ACTG1: variants seen among roughly 807,000 people sequenced by gnomAD.
ACTG1 encodes the protein actin, cytoplasmic 2.
Under a neutral mutation model 34.3 loss-of-function variants are expected in ACTG1, and 14 were observed. The observed-to-expected ratio is 0.41, with a 90% CI of 0.27 to 0.64. The LOEUF (loss-of-function observed/expected upper bound fraction) is 0.64, where lower values mean the gene tolerates loss of function less well. Among genes scored for constraint, ACTG1 ranks in the 30% least tolerant of loss-of-function variants. The pLI, the probability that ACTG1 is intolerant of heterozygous loss-of-function variation, is 0.33. For missense variants in ACTG1, 233 were observed against 529.5 expected (o/e 0.44, Z 5.50); for synonymous variants, 422 against 213.9 (o/e 1.97, Z -8.49).
intron 3 of ACTG1, 97 bp from the exon 4 acceptor site, chr17:81,511,723 G>C (rs1384128813): frequency 4.6e-6 from 7 of 1,518,260 alleles, no homozygotes; most frequent in South Asian, 1.2e-5. Flanking sequence ...GTGATGTGTG[G>C]AGAAAAGAAA....
chr17:81,510,458 T>C lies in ACTG1; in HGVS notation c.*232A>G, dbSNP rs2031688307. On this transcript the variant is annotated 3_prime_UTR_variant, in exon 6 of 6. Transcript: ENST00000573283. ...ACTAAAGGTTGAACTCAAAGATATG[T>C]ACAGGGTATTAAACAAATACCAAGG... 4.4e-6 allele frequency: 3 copies of C among 684,084 alleles called. No homozygotes were observed. The highest frequency in any genetic ancestry group is 7.9e-6 in the Non-Finnish European group (3 of 380,716). 42.4% of individuals were successfully genotyped at this position (684,084 alleles called of 1,614,324 possible). A position where few individuals can be genotyped will look rare whatever the true frequency, so the allele number is the denominator to read the frequency against.
chr17:81,510,590 C>CA lies in ACTG1; in HGVS notation c.*99dup. The CA allele has an allele frequency of 6.8e-7, 1 of 1,465,140 alleles. No individual in the cohort carries two copies. Among genetic ancestry groups the CA allele is most frequent in the Non-Finnish European group, 9.6e-7 (1 of 1,047,028 alleles). 90.8% of individuals were successfully genotyped at this position (1,465,140 alleles called of 1,614,324 possible). A position where few individuals can be genotyped will look rare whatever the true frequency, so the allele number is the denominator to read the frequency against. On this transcript the variant is annotated 3_prime_UTR_variant, in exon 6 of 6. Coordinates refer to ENST00000573283, the MANE Select transcript of ACTG1 (RefSeq NM_001614.5). The stretch of plus-strand genomic sequence containing the variant: ...ACAATTTCTTTTCGAAGGCTTATTC[C>CA]AGTTTCGTGAGGCTAGCATGAGGTG...
In ACTG1 at chr17:81,510,914, C is replaced by A; in HGVS notation, c.984+13G>T. 2 of 1,613,976 alleles carry A rather than the reference C, an allele frequency of 1.2e-6. No individual in the cohort carries two copies. The highest frequency in any genetic ancestry group is 1.7e-6 in the Non-Finnish European group (2 of 1,179,968). ...CCCGAGCCAGGCAGAGGGCCACCAACCCCTCGACTCACCTTGATCTTCATG... is the reference window on the plus strand; with the variant it reads ...CCCGAGCCAGGCAGAGGGCCACCAAACCCTCGACTCACCTTGATCTTCATG... On this transcript the variant is annotated intron_variant, in intron 5 of 5. Coordinates refer to ENST00000573283, the MANE Select transcript of ACTG1 (RefSeq NM_001614.5).
In ACTG1 at chr17:81,510,264, A is replaced by G. The variant is rs782175358; in HGVS notation, c.*426T>C. The G allele has an allele frequency of 5.2e-5, 27 of 517,346 alleles. No individual in the cohort carries two copies. In the East Asian group the frequency reaches 9.6e-4, roughly 18 times the overall value. 32.0% of individuals were successfully genotyped at this position (517,346 alleles called of 1,614,324 possible). On this transcript the variant is annotated 3_prime_UTR_variant, in exon 6 of 6. Coordinates refer to ENST00000573283, the MANE Select transcript of ACTG1 (RefSeq NM_001614.5). Reference sequence around the variant, plus strand: ...TCCAACCCTGACAGACCCGCAAGACAAAACAACTGGTTCTTGCCAGCCTCT... The same window carrying G: ...TCCAACCCTGACAGACCCGCAAGACGAAACAACTGGTTCTTGCCAGCCTCT...
In ACTG1 at chr17:81,511,689, C is replaced by T. The variant is rs1310626354; in HGVS notation, c.364-63G>A. 10 of 1,558,288 alleles carry T rather than the reference C, an allele frequency of 6.4e-6. No individual in the cohort carries two copies. The East Asian group carries it at 6.7e-5, about 10-fold the overall frequency. On this transcript the variant is annotated intron_variant, in intron 3 of 5. Coordinates refer to ENST00000573283, the MANE Select transcript of ACTG1 (RefSeq NM_001614.5). ...GACCCACGGCCACCCCATGCTCACA[C>T]GCCACAACATGCTGCATGCCAGTGT...
chr17:81,511,561 G>A lies in ACTG1; in HGVS notation c.429C>T (p.Tyr143=), dbSNP rs782719226. 75 of 1,613,766 alleles carry A rather than the reference G, an allele frequency of 4.6e-5. No individual in the cohort carries two copies. The highest frequency in any genetic ancestry group is 2.4e-4 in the South Asian group (22 of 91,090). The change falls in exon 4 of 6, where the codon TAC becomes TAT. Residue 143 remains tyrosine (Y), a synonymous_variant. Transcript: ENST00000573283. ...YVAIQAVLSL[Y]ASGRTTGIVM... ...CAATGCCAGTGGTGCGCCCAGAGGC[G>A]TAGAGGGACAGCACGGCCTGGATGG...
intron 3 of ACTG1, 73 bp from the exon 4 acceptor site, chr17:81,511,699 T>A: frequency 6.5e-7 from 1 of 1,541,076 alleles, no homozygotes; most frequent in Non-Finnish European, 8.9e-7. Flanking sequence ...CGCCACAACA[T>A]GCTGCATGCC....
rs201181478 is a variant in ACTG1 at position 81,512,365 on chromosome 17, C to T, written c.-6-5G>A. On this transcript the variant is annotated splice_region_variant and splice_polypyrimidine_tract_variant and intron_variant, in intron 1 of 5. Transcript: ENST00000573283. ...GATCTCTTCTTCCATTGCGACCTGCCCGGAAAAGGATGGACTCAGGCGGGC... is the reference window on the plus strand; with the variant it reads ...GATCTCTTCTTCCATTGCGACCTGCTCGGAAAAGGATGGACTCAGGCGGGC... The T allele has an allele frequency of 6.2e-7, 1 of 1,613,962 alleles. No homozygotes were observed. Among genetic ancestry groups the T allele is most frequent in the Non-Finnish European group, 8.5e-7 (1 of 1,179,936 alleles).
At chr17:81,512,527 C>T (rs1254336202) in intron 1 of ACTG1, 167 bp from the exon 2 acceptor site, 5 of 1,133,292 alleles carry the variant, frequency 4.4e-6, no homozygotes, top group South Asian at 1.3e-5. Context: ...TTTTACGTAA[C>T]GTCCACGGCT....
At position 81,510,258 on chromosome 17, in the gene ACTG1, C is replaced by T. The variant is rs1555666077; in HGVS notation, c.*432G>A. On this transcript the variant is annotated 3_prime_UTR_variant, in exon 6 of 6. Transcript: ENST00000573283. ...GGACTTTCCAACCCTGACAGACCCG[C>T]AAGACAAAACAACTGGTTCTTGCCA... 1.3e-5 allele frequency: 7 copies of T among 535,212 alleles called. No individual in the cohort carries two copies. The highest frequency in any genetic ancestry group is 1.1e-4 in the South Asian group (7 of 62,808). The allele number at this position is 535,212 out of a possible 1,614,324, so 33.2% of individuals were successfully genotyped here.
chr17:81,512,319 A>G lies in ACTG1; in HGVS notation c.36T>C (p.Asn12=), dbSNP rs201420091. 20 of 1,613,776 alleles carry G rather than the reference A, an allele frequency of 1.2e-5. No homozygotes were observed. Among genetic ancestry groups the G allele is most frequent in the South Asian group, 4.4e-5 (4 of 91,090 alleles). The change falls in exon 2 of 6, where the codon AAT becomes AAC. Residue 12 remains asparagine (N), a synonymous_variant. Transcript: ENST00000573283. ...AACCAGCTTTGCACATGCCGGAGCC[A>G]TTGTCAATGACCAGCGCGGCGATCT... ...EEEIAALVID[N]GSGMCKAGFA...
rs570177129 is a variant in ACTG1 at position 81,510,102 on chromosome 17, A to C, written c.*588T>G. ...GAATCGAGAATTGCGTACAAAAAAA[A>C]CCTTACATAAATTAAGAATGAATAC... is the stretch of plus-strand genomic sequence containing the variant. On this transcript the variant is annotated 3_prime_UTR_variant, in exon 6 of 6. Coordinates refer to ENST00000573283, the MANE Select transcript of ACTG1 (RefSeq NM_001614.5). 522 of 465,112 alleles carry C rather than the reference A, an allele frequency of 1.1e-3. 2 individuals are homozygous for C. Among genetic ancestry groups the C allele is most frequent in the Non-Finnish European group, 1.7e-3 (402 of 237,546 alleles). The allele number at this position is 465,112 out of a possible 1,614,324, so 28.8% of individuals were successfully genotyped here. A position where few individuals can be genotyped will look rare whatever the true frequency, so the allele number is the denominator to read the frequency against.
At chr17:81,511,647 G>A (rs1244966811) in intron 3 of ACTG1, 21 bp from the exon 4 acceptor site, 1 of 1,609,424 alleles carries the variant, frequency 6.2e-7, no homozygotes, top group Non-Finnish European at 8.5e-7. Flanking sequence ...ACAAGGGGCG[G>A]CTTAGTCAGG....
In ACTG1 at chr17:81,511,588, C is replaced by G; in HGVS notation, c.402G>C (p.Val134=). Residue 134 remains valine (V), a synonymous_variant, in exon 4 of 6, where the codon GTG becomes GTC. Coordinates refer to ENST00000573283, the MANE Select transcript of ACTG1 (RefSeq NM_001614.5). ...AGAGGGACAGCACGGCCTGGATGGC[C>G]ACGTACATGGCCGGGGTGTTGAAGG... ...FETFNTPAMY[V]AIQAVLSLYA... The G allele has an allele frequency of 1.2e-6, 2 of 1,613,634 alleles. No individual in the cohort carries two copies. The highest frequency in any genetic ancestry group is 1.7e-6 in the Non-Finnish European group (2 of 1,179,998).
intron 1 of ACTG1, 70 bp downstream of exon 1, chr17:81,512,664 G>A (rs922676261): frequency 6.2e-5 from 26 of 421,560 alleles, no homozygotes; most frequent in Admixed American, 1.1e-4. Flanking sequence ...GCAGCTGGAA[G>A]CGGGGCCAGC....
rs879992978 is a variant in ACTG1, at chr17:81,512,225, C to T, written c.123+7G>A. On this transcript the variant is annotated splice_region_variant and intron_variant, in intron 2 of 5. Transcript: ENST00000573283. The stretch of plus-strand genomic sequence containing the variant: ...AACCCAGGAGCCCCGCGGCGCCATC[C>T]ACTCACCTGGTGTCTGGGGCGCCCG... 1.9e-6 allele frequency: 3 copies of T among 1,613,466 alleles called. No homozygotes were observed. Among genetic ancestry groups the T allele is most frequent in the East Asian group, 2.2e-5 (1 of 44,882 alleles).
At chr17:81,512,391 G>GC (rs782459152) in intron 1 of ACTG1, 31 bp from the exon 2 acceptor site, 2 of 1,613,644 alleles carry the variant, frequency 1.2e-6, no homozygotes, top group East Asian at 2.2e-5. Context: ...TCAGGCGGGC[G>GC]CGTCTGTAAC....
rs2143772589 is a variant in ACTG1 at position 81,510,606 on chromosome 17, G to C, written c.*84C>G. On this transcript the variant is annotated 3_prime_UTR_variant, in exon 6 of 6. Transcript: ENST00000573283. ...GGCTTATTCCAGTTTCGTGAGGCTA[G>C]CATGAGGTGTGTGCATTTGCCAGGG... is the stretch of plus-strand genomic sequence containing the variant. 6.4e-7 allele frequency: 1 copy of C among 1,551,404 alleles called. No homozygotes were observed. The highest frequency in any genetic ancestry group is 2.2e-5 in the East Asian group (1 of 44,570).
Position 81,512,262 on chromosome 17 carries a change from A to G in ACTG1, c.93T>C (p.Phe31=), listed in dbSNP as rs1568063103. The G allele has an allele frequency of 6.2e-7, 1 of 1,613,740 alleles. No individual in the cohort carries two copies. The highest frequency in any genetic ancestry group is 8.5e-7 in the Non-Finnish European group (1 of 1,179,946). ...FAGDDAPRAV[F]PSIVGRPRHQ... ...GTCTGGGGCGCCCGACGATGGAAGG[A>G]AACACGGCTCGGGGAGCGTCGTCCC... The change falls in exon 2 of 6, where the codon TTT becomes TTC. Residue 31 remains phenylalanine (F), a synonymous_variant. Transcript: ENST00000573283.
Sources: allele counts gnomAD v4.1 joint callset, GRCh38; gene constraint gnomAD v4.1.1; transcripts MANE v1.5; gene names NCBI Gene and HGNC (gene_info 2026-07-23, HGNC 2026-07-21).